The following PDE10A variants were observed in gnomAD, a reference collection of about 807,000 sequenced individuals.
PDE10A encodes the protein cAMP and cAMP-inhibited cGMP 3',5'-cyclic phosphodiesterase 10A.
Under a neutral mutation model 97.7 loss-of-function variants are expected in PDE10A, and 39 were observed. The observed-to-expected ratio is 0.40, with a 90% CI of 0.31 to 0.52. The LOEUF is 0.52. Ranked by LOEUF, PDE10A falls within the 20% of genes least tolerant of loss-of-function variation. The pLI, the probability that PDE10A is intolerant of heterozygous loss-of-function variation, is 0.56. For missense variants in PDE10A, 731 were observed against 1,047.8 expected (o/e 0.70, Z 4.17); for synonymous variants, 371 against 376.8 (o/e 0.98, Z 0.18).
At chr6:165,652,250 TTTG>T (rs1789720861) in intron 1 of PDE10A, among the ~76,000 whole-genome samples, 2 of 152,182 alleles carry the variant, frequency 1.3e-5, no homozygotes, top group Admixed American at 6.5e-5. Flanking sequence ...TAAGCTCTTT[TTTG>T]TTGTTGTTCA....
At chr6:165,456,088 G>T (rs1257357328) in intron 3 of PDE10A, among the ~76,000 whole-genome samples, 2 of 152,108 alleles carry the variant, frequency 1.3e-5, no homozygotes, top group East Asian at 3.9e-4. Flanking sequence ...AATAACTTCA[G>T]ATAAAATATG....
At chr6:165,941,302 C>T (rs1386399173) in intron 1 of PDE10A, among the ~76,000 whole-genome samples, 2 of 152,150 alleles carry the variant, frequency 1.3e-5, no homozygotes, top group Non-Finnish European at 2.9e-5. Context: ...AAAATGGACT[C>T]GGGCCTTTCT....
chr6:165,351,710 TAC>T (rs1411641532), intron 18 of PDE10A, among the ~76,000 whole-genome samples: 29 of 152,314 alleles, frequency 1.9e-4, no homozygotes, highest in African/African-American at 6.5e-4. Flanking sequence ...TTCAAGCCAA[TAC>T]AGTTTTGAGA....
intron 1 of PDE10A, among the ~76,000 whole-genome samples, chr6:165,675,808 A>T (rs779465099): frequency 1.4e-4 from 21 of 152,252 alleles, no homozygotes; most frequent in Non-Finnish European, 2.2e-4. Flanking sequence ...CTCCTATGAA[A>T]CATATATTCT....
intron 1 of PDE10A, among the ~76,000 whole-genome samples, chr6:165,704,125 G>C (rs1022379700): frequency 6.6e-6 from 1 of 152,176 alleles, no homozygotes; most frequent in African/African-American, 2.4e-5. Flanking sequence ...CTCTGTATAC[G>C]TTTGGGAACT....
At chr6:165,397,576 G>A (rs961220702) in intron 13 of PDE10A, among the ~76,000 whole-genome samples, 8 of 151,814 alleles carry the variant, frequency 5.3e-5, no homozygotes, top group Non-Finnish European at 7.4e-5. Flanking sequence ...CTGGGTGCAC[G>A]CCTGTATCTC....
At chr6:165,842,553 G>A (rs953282765) in intron 1 of PDE10A, among the ~76,000 whole-genome samples, 5 of 152,226 alleles carry the variant, frequency 3.3e-5, no homozygotes, top group African/African-American at 1.2e-4. Flanking sequence ...AGCTCACTTT[G>A]GAAATTCATC....
intron 1 of PDE10A, among the ~76,000 whole-genome samples, chr6:165,609,057 T>C (rs1213085575): frequency 1.3e-5 from 2 of 152,176 alleles, no homozygotes; most frequent in East Asian, 1.9e-4. Context: ...ATTCTGTAGG[T>C]TGCCTGTTCA....
At chr6:165,458,573 AAGGTTTACC>A (rs913603644) in intron 3 of PDE10A, among the ~76,000 whole-genome samples, 9 of 152,144 alleles carry the variant, frequency 5.9e-5, no homozygotes, top group African/African-American at 2.2e-4. Flanking sequence ...CCAGGACACT[AAGGTTTACC>A]AGTAATTCCA....
Position 165,771,302 on chromosome 6 carries a change from A to C in PDE10A, c.-615+216227T>G, listed in dbSNP as rs558668617. On this transcript the variant is annotated intron_variant, in intron 1 of 19. Coordinates refer to the PDE10A transcript ENST00000366882. Reference sequence around the variant, plus strand: ...GGGCCCAGAAATAACATCTGGTTGGACTCCACCTAATGACACAGGGTATCA... The same window carrying C: ...GGGCCCAGAAATAACATCTGGTTGGCCTCCACCTAATGACACAGGGTATCA... Among the ~76,000 whole-genome samples, 4 of 152,086 alleles carry C rather than the reference A, an allele frequency of 2.6e-5. No homozygotes were observed. The South Asian group carries it at 8.3e-4, about 32-fold the overall frequency.
intron 1 of PDE10A, among the ~76,000 whole-genome samples, chr6:165,896,337 T>G (rs1251233394): frequency 1.3e-5 from 2 of 151,934 alleles, no homozygotes; most frequent in African/African-American, 4.8e-5. Flanking sequence ...CTGCTTTATA[T>G]GTAATACATA....
At chr6:165,523,231 A>G (rs748495132) in intron 2 of PDE10A, among the ~76,000 whole-genome samples, 27 of 151,936 alleles carry the variant, frequency 1.8e-4, no homozygotes, top group Non-Finnish European at 3.5e-4. Flanking sequence ...TTCCCATCAA[A>G]CTATCAACGT....
At chr6:165,895,190 T>C (rs935555526) in intron 1 of PDE10A, among the ~76,000 whole-genome samples, 1 of 115,258 alleles carries the variant, frequency 8.7e-6, no homozygotes, top group Non-Finnish European at 1.9e-5. Context: ...TGCAAGTTTA[T>C]TTGGAAATAG....
At chr6:165,855,319 G>A (rs988134224) in intron 1 of PDE10A, among the ~76,000 whole-genome samples, 1 of 92,414 alleles carries the variant, frequency 1.1e-5, no homozygotes, top group East Asian at 2.6e-4. Context: ...GGGGGGGGGG[G>A]ACTCAGGGGC....
intron 1 of PDE10A, among the ~76,000 whole-genome samples, chr6:165,795,323 T>C (rs1251854685): frequency 6.6e-6 from 1 of 152,220 alleles, no homozygotes; most frequent in Non-Finnish European, 1.5e-5. Flanking sequence ...GGTTTTCCTT[T>C]CTAGCAATGA....
intron 1 of PDE10A, among the ~76,000 whole-genome samples, chr6:165,937,644 A>G (rs1162469264): frequency 6.6e-6 from 1 of 152,220 alleles, no homozygotes; most frequent in Non-Finnish European, 1.5e-5. Flanking sequence ...TTGTTGAATG[A>G]ATGAAGAGTA....
intron 1 of PDE10A, among the ~76,000 whole-genome samples, chr6:165,812,327 G>A (rs1779304854): frequency 6.6e-6 from 1 of 152,116 alleles, no homozygotes; most frequent in Non-Finnish European, 1.5e-5. Context: ...AGACAAGAAT[G>A]TTATTTCTAA....
At chr6:165,513,275 A>T (rs148936564) in intron 2 of PDE10A, among the ~76,000 whole-genome samples, 1 of 152,074 alleles carries the variant, frequency 6.6e-6, no homozygotes, top group East Asian at 1.9e-4. Context: ...GTATGAATAT[A>T]TAATTGTCCC....
At chr6:165,959,279 T>C (rs1784287471) in intron 1 of PDE10A, among the ~76,000 whole-genome samples, 1 of 152,136 alleles carries the variant, frequency 6.6e-6, no homozygotes, top group African/African-American at 2.4e-5. Context: ...AGAGGCGATT[T>C]CCTCTTTGAG....
Sources: gnomAD v4.1 joint callset for allele counts (sites outside exome capture counted in the v4.1 genomes callset) on GRCh38, gnomAD v4.1.1 for gene constraint, MANE v1.5 for transcripts, NCBI Gene and HGNC (gene_info 2026-07-23, HGNC 2026-07-21) for gene names.